The following ATG10 variants were observed in gnomAD, a reference collection of about 807,000 sequenced individuals.
ATG10 encodes ubiquitin-like-conjugating enzyme ATG10.
ATG10 carries 30 observed loss-of-function variants against 32.1 expected under a neutral mutation model. That is an observed-to-expected ratio of 0.94 (90% CI 0.70 to 1.27). The LOEUF (loss-of-function observed/expected upper bound fraction) is 1.27. ATG10 is among the 50% of genes most tolerant of loss of function. ATG10 has a pLI of 0.00. For missense variants in ATG10, 233 were observed against 262.3 expected (o/e 0.89, Z 0.77); for synonymous variants, 87 against 91.5 (o/e 0.95, Z 0.28).
intron 2 of ATG10, among the ~76,000 whole-genome samples, chr5:82,055,906 G>T (rs1763578833): frequency 6.6e-6 from 1 of 152,128 alleles, no homozygotes; most frequent in African/African-American, 2.4e-5. Context: ...ACAATTGCCT[G>T]CAATTAATAC....
intron 2 of ATG10, among the ~76,000 whole-genome samples, chr5:82,002,673 C>T (rs1472220314): frequency 6.6e-6 from 1 of 151,944 alleles, no homozygotes; most frequent in African/African-American, 2.4e-5. Context: ...GGTGAGGATC[C>T]GGAAACCACT....
intron 2 of ATG10, among the ~76,000 whole-genome samples, chr5:82,024,034 G>C (rs1762524389): frequency 6.6e-6 from 1 of 152,080 alleles, no homozygotes; most frequent in South Asian, 2.1e-4. Flanking sequence ...ACCAGAATAG[G>C]GGTTTTAACT....
chr5:82,085,036 C>A (rs1764622323), intron 3 of ATG10, among the ~76,000 whole-genome samples: 1 of 152,048 alleles, frequency 6.6e-6, no homozygotes, highest in Admixed American at 6.6e-5. Flanking sequence ...CACAGACTGG[C>A]AAATTGGATA....
chr5:82,199,928 T>C (rs974242101), intron 5 of ATG10, among the ~76,000 whole-genome samples: 1 of 152,184 alleles, frequency 6.6e-6, no homozygotes, highest in Non-Finnish European at 1.5e-5. Flanking sequence ...TTAGCACATA[T>C]ATTTGAGGTT....
At chr5:82,225,882 G>C (rs976839288) in intron 5 of ATG10, among the ~76,000 whole-genome samples, 1 of 152,162 alleles carries the variant, frequency 6.6e-6, no homozygotes. Context: ...ACCTAAGTCT[G>C]ATACTAACTT....
At chr5:82,150,230 G>T (rs1441052881) in intron 3 of ATG10, among the ~76,000 whole-genome samples, 1 of 151,666 alleles carries the variant, frequency 6.6e-6, no homozygotes, top group Non-Finnish European at 1.5e-5. Context: ...GTCAGTTCTG[G>T]AGTTGTTTTT....
At chr5:82,088,405 A>G (rs759878349) in intron 3 of ATG10, among the ~76,000 whole-genome samples, 3 of 152,188 alleles carry the variant, frequency 2.0e-5, no homozygotes, top group South Asian at 2.1e-4. Context: ...AAAAATTGCA[A>G]TTAGACTGAC....
At chr5:81,977,326 T>C (rs1760899738) in intron 1 of ATG10, among the ~76,000 whole-genome samples, 1 of 152,196 alleles carries the variant, frequency 6.6e-6, no homozygotes, top group South Asian at 2.1e-4. Flanking sequence ...TACTTCCCAG[T>C]ATTTCTCAAA....
intron 2 of ATG10, among the ~76,000 whole-genome samples, chr5:82,015,844 G>A (rs983379522): frequency 2.6e-5 from 4 of 152,164 alleles, no homozygotes; most frequent in East Asian, 1.9e-4. Context: ...GTCATTCTCC[G>A]TCTAGCTTTG....
chr5:82,155,093 T>A (rs1233655412), intron 3 of ATG10, among the ~76,000 whole-genome samples: 1 of 152,200 alleles, frequency 6.6e-6, no homozygotes, highest in Non-Finnish European at 1.5e-5. Context: ...GTGTAGAAGT[T>A]TATTCATGTG....
chr5:82,183,822 A>G (rs1224767354), intron 5 of ATG10, among the ~76,000 whole-genome samples: 1 of 152,190 alleles, frequency 6.6e-6, no homozygotes, highest in East Asian at 1.9e-4. Context: ...AGTATCCTCC[A>G]AAGGTAACCA....
intron 1 of ATG10, among the ~76,000 whole-genome samples, chr5:81,983,911 C>G (rs1041451958): frequency 6.6e-6 from 1 of 150,884 alleles, no homozygotes; most frequent in Non-Finnish European, 1.5e-5. Context: ...TATGGGCGGC[C>G]GGGCAGAGAC....
chr5:82,169,128 C>T (rs749382574), intron 4 of ATG10, among the ~76,000 whole-genome samples: 5 of 151,500 alleles, frequency 3.3e-5, no homozygotes, highest in African/African-American at 4.9e-5. Flanking sequence ...GGATGACTTA[C>T]GGAAGAAATA....
chr5:82,031,467 C>T (rs1762740087), intron 2 of ATG10, among the ~76,000 whole-genome samples: 1 of 151,992 alleles, frequency 6.6e-6, no homozygotes, highest in African/African-American at 2.4e-5. Context: ...GTGAAGTGAG[C>T]CAAAAAAACA....
At chr5:82,109,853 T>C (rs1040927894) in intron 3 of ATG10, among the ~76,000 whole-genome samples, 16 of 151,804 alleles carry the variant, frequency 1.1e-4, no homozygotes, top group Non-Finnish European at 2.1e-4. Context: ...GTGCACAATG[T>C]GCAGGTTTGT....
chr5:82,184,835 A>C (rs1404357374), intron 5 of ATG10, among the ~76,000 whole-genome samples: 1 of 152,158 alleles, frequency 6.6e-6, no homozygotes, highest in Non-Finnish European at 1.5e-5. Flanking sequence ...CTGTCTAATG[A>C]ATAAGTCAGC....
At chr5:82,099,644 A>G (rs541098129) in intron 3 of ATG10, among the ~76,000 whole-genome samples, 1 of 152,180 alleles carries the variant, frequency 6.6e-6, no homozygotes, top group Non-Finnish European at 1.5e-5. Flanking sequence ...AGATAATCCC[A>G]TCAGCACAAG....
chr5:82,120,926 C>G (rs1051856685), intron 3 of ATG10, among the ~76,000 whole-genome samples: 2 of 152,140 alleles, frequency 1.3e-5, no homozygotes, highest in Admixed American at 6.6e-5. Flanking sequence ...GGAAGATACA[C>G]ATTTATTACG....
intron 3 of ATG10, among the ~76,000 whole-genome samples, chr5:82,070,699 C>G (rs531866613): frequency 2.0e-5 from 3 of 152,238 alleles, no homozygotes; most frequent in African/African-American, 7.2e-5. Context: ...TTCCATGTCC[C>G]TTGGCTGTAT....
Sources: gnomAD v4.1 joint callset for allele counts (sites outside exome capture counted in the v4.1 genomes callset) on GRCh38, gnomAD v4.1.1 for gene constraint, MANE v1.5 for transcripts, NCBI Gene and HGNC (gene_info 2026-07-23, HGNC 2026-07-21) for gene names.